TMTC2: variants seen among roughly 807,000 people sequenced by gnomAD.
The protein encoded by TMTC2 is transmembrane O-mannosyltransferase targeting cadherins 2, also known as protein O-mannosyl-transferase TMTC2.
Under a neutral mutation model 82.4 loss-of-function variants are expected in TMTC2, and 43 were observed. The ratio of observed to expected loss-of-function variants is 0.52; its 90% confidence interval spans 0.41 to 0.67. The LOEUF (loss-of-function observed/expected upper bound fraction) is 0.67, where lower values mean the gene tolerates loss of function less well. Ranked by LOEUF, TMTC2 falls within the 30% of genes least tolerant of loss-of-function variation. The pLI is 0.00. For missense variants in TMTC2, 919 were observed against 1,012.4 expected, an observed-to-expected ratio of 0.91 and a Z score of 1.25; for synonymous variants, 408 against 381.9, an observed-to-expected ratio of 1.07 and a Z score of -0.80.
At chr12:82,937,192 C>G (rs1378019264) in intron 4 of TMTC2, among the ~76,000 whole-genome samples, 1 of 152,150 alleles carries the variant, frequency 6.6e-6, no homozygotes, top group Non-Finnish European at 1.5e-5. Flanking sequence ...AGAAATTTAT[C>G]ATTTCACAGA....
chr12:82,710,950 C>A (rs1873591297), intron 1 of TMTC2, among the ~76,000 whole-genome samples: 1 of 152,152 alleles, frequency 6.6e-6, no homozygotes, highest in Non-Finnish European at 1.5e-5. Context: ...AATCGTATAG[C>A]CTCTGGTCTC....
intron 1 of TMTC2, among the ~76,000 whole-genome samples, chr12:82,845,252 A>AAAATAT (rs1555190264): frequency 1.5e-4 from 6 of 38,804 alleles, no homozygotes; most frequent in African/African-American, 3.1e-4. Flanking sequence ...AAAAAAAAAA[A>AAAATAT]ATATATATAT....
At chr12:82,770,871 T>C (rs1456127501) in intron 1 of TMTC2, among the ~76,000 whole-genome samples, 1 of 152,182 alleles carries the variant, frequency 6.6e-6, no homozygotes, top group Non-Finnish European at 1.5e-5. Flanking sequence ...ACAGAGCAAG[T>C]ACCAAATGTC....
chr12:82,997,923 C>T (rs1325745739), intron 8 of TMTC2, among the ~76,000 whole-genome samples: 1 of 152,068 alleles, frequency 6.6e-6, no homozygotes, highest in African/African-American at 2.4e-5. Context: ...TCATATGAAA[C>T]AGGTTTTTTC....
At chr12:82,794,642 C>T (rs1407321677) in intron 1 of TMTC2, among the ~76,000 whole-genome samples, 1 of 152,070 alleles carries the variant, frequency 6.6e-6, no homozygotes, top group African/African-American at 2.4e-5. Flanking sequence ...ACTCCAATTA[C>T]CATAATCAAT....
intron 1 of TMTC2, among the ~76,000 whole-genome samples, chr12:82,692,701 T>C (rs1001601828): frequency 6.6e-6 from 1 of 152,254 alleles, no homozygotes; most frequent in Non-Finnish European, 1.5e-5. Context: ...TGGATACTTA[T>C]TTTAATGGCT....
At chr12:82,948,236 A>T (rs2137274537) in intron 4 of TMTC2, among the ~76,000 whole-genome samples, 1 of 152,228 alleles carries the variant, frequency 6.6e-6, no homozygotes, top group South Asian at 2.1e-4. Flanking sequence ...CTGGTGGCAA[A>T]TGCCGATAGT....
intron 1 of TMTC2, among the ~76,000 whole-genome samples, chr12:82,699,043 T>C (rs1872947545): frequency 6.6e-6 from 1 of 152,290 alleles, no homozygotes; most frequent in African/African-American, 2.4e-5. Flanking sequence ...TGACCATGGG[T>C]AACTGAAACC....
chr12:83,069,581 T>C (rs1883035877), intron 11 of TMTC2, among the ~76,000 whole-genome samples: 1 of 152,208 alleles, frequency 6.6e-6, no homozygotes, highest in Non-Finnish European at 1.5e-5. Context: ...TTGTTGTAGA[T>C]TCTGGATATT....
intron 11 of TMTC2, among the ~76,000 whole-genome samples, chr12:83,063,009 G>A (rs1450016454): frequency 6.6e-6 from 1 of 151,816 alleles, no homozygotes; most frequent in Admixed American, 6.6e-5. Context: ...ATTAACAATA[G>A]AAAAGCATAC....
chr12:82,689,279 T>G (rs149952432), intron 1 of TMTC2, among the ~76,000 whole-genome samples: 12 of 151,800 alleles, frequency 7.9e-5, no homozygotes, highest in African/African-American at 2.9e-4. Flanking sequence ...TAGTAAGCAT[T>G]TAAACCAAGA....
intron 1 of TMTC2, among the ~76,000 whole-genome samples, chr12:82,699,399 G>A (rs140075452): frequency 2.0e-3 from 311 of 152,206 alleles, no homozygotes; most frequent in African/African-American, 7.2e-3. Context: ...GGAGTAAACC[G>A]ACCAATTACA....
chr12:82,843,344 C>A (rs796531670), intron 1 of TMTC2, among the ~76,000 whole-genome samples: 6 of 152,182 alleles, frequency 3.9e-5, no homozygotes, highest in African/African-American at 1.4e-4. Flanking sequence ...GCCCTGACCT[C>A]CCAAAGTGCT....
At chr12:83,072,024 T>G (rs1883136533) in intron 11 of TMTC2, among the ~76,000 whole-genome samples, 1 of 152,178 alleles carries the variant, frequency 6.6e-6, no homozygotes, top group African/African-American at 2.4e-5. Flanking sequence ...GCTCTGATCT[T>G]GGTAATTTCC....
At chr12:83,062,495 G>T (rs1225809213) in intron 11 of TMTC2, among the ~76,000 whole-genome samples, 1 of 151,684 alleles carries the variant, frequency 6.6e-6, no homozygotes, top group Non-Finnish European at 1.5e-5. Context: ...TATACCTTCT[G>T]CATCTCTCAC....
chr12:83,107,943 TC>T (rs34823247), intron 11 of TMTC2, among the ~76,000 whole-genome samples: 57 of 152,190 alleles, frequency 3.7e-4, no homozygotes, highest in African/African-American at 1.3e-3. Context: ...GGGATGGATT[TC>T]CCCCCTTGCT....
chr12:83,041,081 T>A (rs567062933), intron 9 of TMTC2, among the ~76,000 whole-genome samples: 3 of 133,662 alleles, frequency 2.2e-5, no homozygotes, highest in African/African-American at 8.1e-5. Flanking sequence ...CCTTTTTTTG[T>A]GTATGGAAAT....
At chr12:82,920,090 C>T (rs1875294773) in intron 3 of TMTC2, among the ~76,000 whole-genome samples, 1 of 152,120 alleles carries the variant, frequency 6.6e-6, no homozygotes, top group African/African-American at 2.4e-5. Context: ...CTGTTTTCTG[C>T]TCTTCTAGCT....
intron 1 of TMTC2, among the ~76,000 whole-genome samples, chr12:82,689,487 C>T (rs1316399512): frequency 1.3e-5 from 2 of 152,146 alleles, no homozygotes; most frequent in Non-Finnish European, 2.9e-5. Flanking sequence ...TTATAGAACA[C>T]GGTGGTGAAT....
Sources: allele counts gnomAD v4.1 joint callset (sites outside exome capture counted in the v4.1 genomes callset), GRCh38; gene constraint gnomAD v4.1.1; transcripts MANE v1.5; gene names NCBI Gene and HGNC (gene_info 2026-07-23, HGNC 2026-07-21).